Variants in NAV3 observed in about 807,000 individuals in gnomAD.
NAV3 encodes the protein neuron navigator 3.
In NAV3, 87 loss-of-function variants were observed where a neutral mutation model predicts 244.7. The observed-to-expected ratio is 0.36, with a 90% CI of 0.30 to 0.42. NAV3 has a LOEUF of 0.42. Ranked by LOEUF, NAV3 falls within the 20% of genes least tolerant of loss-of-function variation. NAV3 has a pLI of 1.00. For synonymous variants in NAV3, 1,126 were observed against 1,042.2 expected (o/e 1.08, Z -1.55); for missense variants, 2,663 against 2,893.3 (o/e 0.92, Z 1.83).
chr12:77,691,361 C>T (rs1422307499), intron 2 of NAV3, among the ~76,000 whole-genome samples: 4 of 19,268 alleles, frequency 2.1e-4, no homozygotes, highest in South Asian at 1.9e-3. Flanking sequence ...ATATACATAT[C>T]CATTCTTGTA....
chr12:77,831,692 A>G lies in NAV3; in HGVS notation c.231A>G (p.Lys77=), dbSNP rs1215421050. The part of the protein sequence containing the change: ...KKPLQGKAKE[K]EDSKIYTDWA... ...CCCTCCAAGGAAAAGCCAAGGAGAA[A>G]GAAGACAGCAAGGTTAGTTGCTGAA... The change falls in exon 1 of 40, where the codon AAA becomes AAG. Residue 77 remains lysine (K), a synonymous_variant. Transcript: ENST00000397909. 1 of 1,606,048 alleles carries G rather than the reference A, an allele frequency of 6.2e-7. No individual in the cohort carries two copies. Among genetic ancestry groups the G allele is most frequent in the Non-Finnish European group, 8.5e-7 (1 of 1,177,448 alleles).
chr12:77,875,588 T>A (rs1301005873), intron 1 of NAV3, among the ~76,000 whole-genome samples: 1 of 152,108 alleles, frequency 6.6e-6, no homozygotes, highest in African/African-American at 2.4e-5. Context: ...AATTTATGAA[T>A]GTATGAATAC....
intron 1 of NAV3, among the ~76,000 whole-genome samples, chr12:77,917,548 G>C (rs776155297): frequency 1.3e-5 from 2 of 151,836 alleles, no homozygotes; most frequent in Non-Finnish European, 2.9e-5. Flanking sequence ...CATGTGTAAC[G>C]GTCCTATTTT....
intron 2 of NAV3, among the ~76,000 whole-genome samples, chr12:77,756,145 T>C (rs1869165165): frequency 6.6e-6 from 1 of 152,186 alleles, no homozygotes; most frequent in Non-Finnish European, 1.5e-5. Context: ...CTATATGATA[T>C]AATATATACA....
At chr12:77,681,370 C>G (rs1874449639) in intron 2 of NAV3, among the ~76,000 whole-genome samples, 1 of 152,064 alleles carries the variant, frequency 6.6e-6, no homozygotes, top group Non-Finnish European at 1.5e-5. Flanking sequence ...TCCAATATTC[C>G]CAGGAAGTCT....
intron 18 of NAV3, chr12:78,130,444 C>T (rs901023660): frequency 2.3e-5 from 5 of 217,938 alleles, no homozygotes; most frequent in Non-Finnish European, 1.0e-5. Context: ...GAATCCCCTG[C>T]TTTCCTGATC....
chr12:78,199,411 A>G lies in NAV3; in HGVS notation c.6595A>G (p.Ile2199Val). The G allele has an allele frequency of 6.2e-7, 1 of 1,611,712 alleles. No individual in the cohort carries two copies. The highest frequency in any genetic ancestry group is 8.5e-7 in the Non-Finnish European group (1 of 1,178,778). The change falls in exon 37 of 40, where the codon ATA becomes GTA. Residue 2199 changes from isoleucine to valine, a missense_variant. By Grantham distance (29) the Ile-to-Val change is conservative. Coordinates refer to ENST00000397909, the MANE Select transcript of NAV3 (RefSeq NM_001024383.2). ...GRYLRRKLIE[I>V]EIERNIRNND... ...ATATCTTCGAAGAAAACTCATAGAG[A>G]TAGAAATTGAAAGGAACATTCGCAA...
chr12:77,701,115 T>C (rs565540952), intron 2 of NAV3, among the ~76,000 whole-genome samples: 28 of 152,026 alleles, frequency 1.8e-4, no homozygotes, highest in Admixed American at 3.3e-4. Flanking sequence ...TTCTAAAAGA[T>C]TGTGTAAGAC....
chr12:77,922,343 T>C (rs1398928395), intron 1 of NAV3, among the ~76,000 whole-genome samples: 1 of 152,126 alleles, frequency 6.6e-6, no homozygotes, highest in African/African-American at 2.4e-5. Context: ...CTTTTCCATC[T>C]CCTAACAGCT....
intron 2 of NAV3, among the ~76,000 whole-genome samples, chr12:77,766,734 A>ATTTTTTTTTTTTTTTT (rs1565805085): frequency 1.1e-4 from 6 of 53,344 alleles, no homozygotes; most frequent in African/African-American, 3.1e-4. Flanking sequence ...CAGGCAATTA[A>ATTTTTTTTTTTTTTTT]GTTTTTTTTT....
intron 5 of NAV3, among the ~76,000 whole-genome samples, chr12:77,974,838 G>T (rs866317898): frequency 1.3e-5 from 2 of 152,254 alleles, no homozygotes. Context: ...TGTATAAAAT[G>T]CTTACTTAGC....
chr12:78,083,554 C>T (rs541257443), intron 12 of NAV3, among the ~76,000 whole-genome samples: 3 of 152,236 alleles, frequency 2.0e-5, no homozygotes, highest in African/African-American at 7.2e-5. Context: ...TATCCACATC[C>T]ACTGACCCAT....
At chr12:78,036,945 C>A in intron 9 of NAV3, 1 of 703,010 alleles carries the variant, frequency 1.4e-6, no homozygotes, top group South Asian at 1.5e-5. Context: ...ACAAAAGTCT[C>A]TGACCAATCT....
At chr12:77,741,056 A>T (rs1268810075) in intron 2 of NAV3, among the ~76,000 whole-genome samples, 1 of 150,364 alleles carries the variant, frequency 6.7e-6, no homozygotes, top group African/African-American at 2.4e-5. Context: ...ATTTGTGGGG[A>T]AAGTATTCCT....
chr12:78,034,470 A>G (rs762168801), intron 9 of NAV3, among the ~76,000 whole-genome samples: 3 of 152,200 alleles, frequency 2.0e-5, no homozygotes, highest in African/African-American at 7.2e-5. Context: ...AAGCCCTCCG[A>G]GTGGTTCTGA....
At chr12:77,710,845 C>G (rs1361921174) in intron 2 of NAV3, among the ~76,000 whole-genome samples, 1 of 152,182 alleles carries the variant, frequency 6.6e-6, no homozygotes, top group African/African-American at 2.4e-5. Context: ...ATTAAATGAA[C>G]TAATCTATTT....
At chr12:77,917,361 A>T (rs1235660854) in intron 1 of NAV3, among the ~76,000 whole-genome samples, 1 of 152,058 alleles carries the variant, frequency 6.6e-6, no homozygotes, top group African/African-American at 2.4e-5. Flanking sequence ...TTATTATTTT[A>T]AATATTAGTT....
chr12:77,966,701 ATATAT>A (rs1314745749), intron 4 of NAV3, among the ~76,000 whole-genome samples: 10 of 152,080 alleles, frequency 6.6e-5, no homozygotes, highest in Admixed American at 4.6e-4. Flanking sequence ...CATTTCTATA[ATATAT>A]TCAAGTTGGT....
At chr12:78,175,162 C>T in intron 24 of NAV3, 144 bp from the exon 25 acceptor site, 1 of 779,700 alleles carries the variant, frequency 1.3e-6, no homozygotes, top group Non-Finnish European at 1.9e-6. Context: ...TATTAAACTT[C>T]TAAAGTCAAA....
Sources: allele counts gnomAD v4.1 joint callset (sites outside exome capture counted in the v4.1 genomes callset), GRCh38; gene constraint gnomAD v4.1.1; transcripts MANE v1.5; gene names NCBI Gene and HGNC (gene_info 2026-07-23, HGNC 2026-07-21).